The following BAALC variants were observed in gnomAD, a reference collection of about 807,000 sequenced individuals.
BAALC encodes brain and acute leukemia cytoplasmic protein.
In BAALC, 9 loss-of-function variants were observed where a neutral mutation model predicts 15.5. The observed-to-expected ratio is 0.58, with a 90% CI of 0.35 to 1.02. The LOEUF is 1.02. Among genes scored for constraint, BAALC ranks in the 50% least tolerant of loss-of-function variants. BAALC has a pLI of 0.02. For synonymous variants in BAALC, 80 were observed against 74.6 expected, an observed-to-expected ratio of 1.07 and a Z score of -0.37; for missense variants, 201 against 192.4, an observed-to-expected ratio of 1.04 and a Z score of -0.27.
chr8:103,162,008 T>C (rs1811237188), intron 1 of BAALC, among the ~76,000 whole-genome samples: 1 of 152,166 alleles, frequency 6.6e-6, no homozygotes, highest in Non-Finnish European at 1.5e-5. Context: ...TCACCCAGGC[T>C]GAAGCACAGT....
At chr8:103,224,232 T>A (rs1456220124) in intron 2 of BAALC, among the ~76,000 whole-genome samples, 1 of 152,032 alleles carries the variant, frequency 6.6e-6, no homozygotes, top group African/African-American at 2.4e-5. Flanking sequence ...TTGAAGAGAT[T>A]TATTCTGAGC....
At chr8:103,144,071 C>T (rs1296455159) in intron 1 of BAALC, among the ~76,000 whole-genome samples, 3 of 152,188 alleles carry the variant, frequency 2.0e-5, no homozygotes, top group Non-Finnish European at 2.9e-5. Context: ...ACATGTCTGC[C>T]CAAGAAAAGT....
At chr8:103,218,734 C>T (rs564995041) in intron 2 of BAALC, among the ~76,000 whole-genome samples, 121 of 152,204 alleles carry the variant, frequency 7.9e-4, no homozygotes, top group African/African-American at 1.4e-3. Context: ...GTGACTGGAC[C>T]GTGCTAAAGG....
At position 103,230,212 on chromosome 8, in the gene BAALC, T is replaced by A. The variant is rs1420920903; in HGVS notation, c.*2113T>A. On this transcript the variant is annotated 3_prime_UTR_variant, in exon 3 of 3. Coordinates refer to ENST00000309982, the MANE Select transcript of BAALC (RefSeq NM_024812.3). ...AAATGCATCTGGCTACTTTTTCATGTATGTATGAGACAGAAACTAATCCTT... is the reference window on the plus strand; with the variant it reads ...AAATGCATCTGGCTACTTTTTCATGAATGTATGAGACAGAAACTAATCCTT... The A allele has an allele frequency of 1.3e-5, 2 of 152,202 alleles. No homozygotes were observed. The highest frequency in any genetic ancestry group is 4.8e-5 in the African/African-American group (2 of 41,454). 9.4% of individuals were successfully genotyped at this position (152,202 alleles called of 1,614,324 possible).
At chr8:103,145,820 C>A (rs1299602475) in intron 1 of BAALC, among the ~76,000 whole-genome samples, 1 of 152,118 alleles carries the variant, frequency 6.6e-6, no homozygotes, top group Non-Finnish European at 1.5e-5. Context: ...AATTTCTTTC[C>A]TTATGAATCC....
chr8:103,188,366 G>T (rs1199801771), intron 1 of BAALC, among the ~76,000 whole-genome samples: 1 of 152,114 alleles, frequency 6.6e-6, no homozygotes, highest in Non-Finnish European at 1.5e-5. Context: ...GACTGGCTTT[G>T]CCCTTGGTCA....
intron 1 of BAALC, chr8:103,141,533 T>C (rs575654505): frequency 8.3e-5 from 13 of 155,776 alleles, no homozygotes; most frequent in Middle Eastern, 6.3e-3. Flanking sequence ...GGCGCCTGCC[T>C]GGGATCGCCT....
intron 1 of BAALC, among the ~76,000 whole-genome samples, chr8:103,185,365 A>ATT (rs781675395): frequency 6.6e-6 from 1 of 151,210 alleles, no homozygotes; most frequent in Non-Finnish European, 1.5e-5. Flanking sequence ...CTACTTTTCT[A>ATT]TTTTTTTCCT....
chr8:103,196,687 T>C (rs1812105559), intron 1 of BAALC, among the ~76,000 whole-genome samples: 2 of 152,158 alleles, frequency 1.3e-5, no homozygotes, highest in South Asian at 4.1e-4. Context: ...GCCCCCTTAA[T>C]TGGATCACCA....
intron 2 of BAALC, among the ~76,000 whole-genome samples, chr8:103,214,757 G>T (rs1016016627): frequency 2.0e-5 from 3 of 152,244 alleles, no homozygotes. Context: ...AAGAATGGCA[G>T]TAAGGATTAA....
chr8:103,197,660 T>G (rs1006249166), intron 1 of BAALC, among the ~76,000 whole-genome samples: 1 of 152,204 alleles, frequency 6.6e-6, no homozygotes, highest in African/African-American at 2.4e-5. Flanking sequence ...AGCATGGTAC[T>G]GTCATCTGCT....
intron 1 of BAALC, among the ~76,000 whole-genome samples, chr8:103,156,042 AAT>A (rs946098653): frequency 1.3e-5 from 2 of 152,234 alleles, no homozygotes; most frequent in African/African-American, 4.8e-5. Flanking sequence ...AGCTATAGAC[AAT>A]ATATAAATGA....
chr8:103,157,964 T>G (rs1044668417), intron 1 of BAALC, among the ~76,000 whole-genome samples: 1 of 152,248 alleles, frequency 6.6e-6, no homozygotes, highest in African/African-American at 2.4e-5. Context: ...TGAAAATTCC[T>G]TAATTCTTAA....
At chr8:103,198,975 A>G (rs1396737745) in intron 1 of BAALC, among the ~76,000 whole-genome samples, 4 of 152,240 alleles carry the variant, frequency 2.6e-5, no homozygotes, top group African/African-American at 7.2e-5. Flanking sequence ...TTCTATCTAT[A>G]TAAGTCTACT....
chr8:103,164,808 C>T (rs1273524499), intron 1 of BAALC, among the ~76,000 whole-genome samples: 1 of 152,204 alleles, frequency 6.6e-6, no homozygotes, highest in African/African-American at 2.4e-5. Flanking sequence ...CCCCATACGC[C>T]TTTTCTTCTC....
At chr8:103,146,445 C>A (rs547632577) in intron 1 of BAALC, among the ~76,000 whole-genome samples, 1 of 152,192 alleles carries the variant, frequency 6.6e-6, no homozygotes, top group African/African-American at 2.4e-5. Flanking sequence ...CTTTGAATAA[C>A]TAGTGATTAA....
At chr8:103,141,358 C>G in intron 1 of BAALC, 1 of 336,346 alleles carries the variant, frequency 3.0e-6, no homozygotes, top group Admixed American at 5.0e-5. Context: ...GACAGCCCAC[C>G]TCCTCCGCAC....
intron 1 of BAALC, among the ~76,000 whole-genome samples, chr8:103,194,664 T>C (rs539173641): frequency 6.6e-6 from 1 of 152,308 alleles, no homozygotes; most frequent in African/African-American, 2.4e-5. Context: ...AAACACAAAT[T>C]TGTTTCACAC....
chr8:103,182,668 A>G (rs553156689), intron 1 of BAALC, among the ~76,000 whole-genome samples: 2 of 152,198 alleles, frequency 1.3e-5, no homozygotes, highest in Non-Finnish European at 1.5e-5. Context: ...TGGTCCATAC[A>G]TCTCCATCAA....
Sources: allele counts gnomAD v4.1 joint callset (sites outside exome capture counted in the v4.1 genomes callset), GRCh38; gene constraint gnomAD v4.1.1; transcripts MANE v1.5; gene names NCBI Gene and HGNC (gene_info 2026-07-23, HGNC 2026-07-21).